Variants in SF3B3 observed in about 807,000 individuals in gnomAD.
The protein encoded by SF3B3 is SAP 130.
Under a neutral mutation model 139.2 loss-of-function variants are expected in SF3B3, and 33 were observed. That is an observed-to-expected ratio of 0.24 (90% confidence interval 0.18 to 0.32). The LOEUF (loss-of-function observed/expected upper bound fraction) is 0.32, where lower values mean the gene tolerates loss of function less well. Ranked by LOEUF, SF3B3 falls within the 10% of genes least tolerant of loss-of-function variation. SF3B3 has a pLI of 1.00. For synonymous variants in SF3B3, 596 were observed against 563.6 expected (o/e 1.06, Z -0.81); for missense variants, 818 against 1,509.4 (o/e 0.54, Z 7.59).
chr16:70,565,636 C>G, intron 20 of SF3B3, 112 bp downstream of exon 20: 1 of 948,404 alleles, frequency 1.1e-6, no homozygotes, highest in Non-Finnish European at 1.6e-6. Flanking sequence ...TCCAATCTCT[C>G]TCTTACCAGC....
At chr16:70,569,722 TG>T (rs2050510339) in intron 23 of SF3B3, among the ~76,000 whole-genome samples, 2 of 152,070 alleles carry the variant, frequency 1.3e-5, no homozygotes, top group South Asian at 4.1e-4. Context: ...TTCCACCTCC[TG>T]GGCTCAAGTG....
chr16:70,545,958 C>A (rs1256181063), intron 10 of SF3B3, among the ~76,000 whole-genome samples: 2 of 152,084 alleles, frequency 1.3e-5, no homozygotes, highest in Admixed American at 1.3e-4. Flanking sequence ...CAATTTAGAG[C>A]CATAGGTCTG....
chr16:70,564,125 C>T lies in SF3B3; in HGVS notation c.2463+75C>T, dbSNP rs770147455. The T allele has an allele frequency of 6.3e-5, 93 of 1,469,558 alleles. No homozygotes were observed. The Middle Eastern group carries it at 1.2e-3, about 19-fold the overall frequency. 91.0% of individuals were successfully genotyped at this position (1,469,558 alleles called of 1,614,324 possible). A position where few individuals can be genotyped will look rare whatever the true frequency, so the allele number is the denominator to read the frequency against. ...GTTGAAAAGTTTAAACTGCCCGGCA[C>T]TTTGGGAGGCTGAGGTGGGAGGATT... On this transcript the variant is annotated intron_variant, in intron 18 of 25. Coordinates refer to ENST00000302516, the MANE Select transcript of SF3B3 (RefSeq NM_012426.5).
Position 70,570,877 on chromosome 16 carries a change from G to A in SF3B3, c.3409-218G>A, listed in dbSNP as rs538596706. Among the ~76,000 whole-genome samples, 4 of 152,346 alleles carry A rather than the reference G, an allele frequency of 2.6e-5. No homozygotes were observed. In the South Asian group the frequency reaches 8.3e-4, roughly 32 times the overall value. On this transcript the variant is annotated intron_variant, in intron 24 of 25. Transcript: ENST00000302516. ...TGACCTCACAAACCATTCTTTATGT[G>A]TGGCATTCTCTCTTGCACTGCAGAC...
At chr16:70,562,628 C>G (rs1430710978) in intron 17 of SF3B3, among the ~76,000 whole-genome samples, 2 of 152,132 alleles carry the variant, frequency 1.3e-5, no homozygotes, top group East Asian at 3.9e-4. Flanking sequence ...TTCCCCTTGT[C>G]TTTTAAGCCA....
At chr16:70,526,085 C>A (rs1163750563) in intron 1 of SF3B3, among the ~76,000 whole-genome samples, 1 of 151,952 alleles carries the variant, frequency 6.6e-6, no homozygotes, top group African/African-American at 2.4e-5. Flanking sequence ...TTTGCTCAGC[C>A]CAGAAAGTTA....
Position 70,553,862 on chromosome 16 carries a change from A to G in SF3B3, c.1403-584A>G, listed in dbSNP as rs531144480. ...AAAACCAGAGAGGTCACAGAATAAC[A>G]ATATAAACAACCCCCACCCTCCATT... On this transcript the variant is annotated intron_variant, in intron 11 of 25. Transcript: ENST00000302516. Among the ~76,000 whole-genome samples the G allele has an allele frequency of 9.8e-5, 15 of 152,330 alleles. No individual in the cohort carries two copies. The South Asian group carries it at 3.1e-3, about 32-fold the overall frequency.
intron 22 of SF3B3, 63 bp downstream of exon 22, chr16:70,568,558 G>A: frequency 7.5e-7 from 1 of 1,335,060 alleles, no homozygotes; most frequent in Non-Finnish European, 1.1e-6. Flanking sequence ...AGTTTCTTGT[G>A]GGTAAAGCCA....
At chr16:70,562,859 T>C (rs1408806623) in intron 17 of SF3B3, among the ~76,000 whole-genome samples, 1 of 152,282 alleles carries the variant, frequency 6.6e-6, no homozygotes, top group East Asian at 1.9e-4. Context: ...GACAAGGTCT[T>C]ACTCTGTTGT....
intron 11 of SF3B3, among the ~76,000 whole-genome samples, chr16:70,551,070 T>C (rs989801912): frequency 4.6e-5 from 7 of 152,206 alleles, no homozygotes; most frequent in African/African-American, 1.7e-4. Context: ...GATACCCTTG[T>C]CTATGAAGTG....
chr16:70,560,598 A>G lies in SF3B3; in HGVS notation c.2133+7A>G. ...AATGCAAGGCCAGGAGGCAGTAAGTAATGAAGGTTGGGGACAGGCAACATC... is the reference window on the plus strand; with the variant it reads ...AATGCAAGGCCAGGAGGCAGTAAGTGATGAAGGTTGGGGACAGGCAACATC... On this transcript the variant is annotated splice_region_variant and intron_variant, in intron 16 of 25. Transcript: ENST00000302516. 1 of 1,612,912 alleles carries G rather than the reference A, an allele frequency of 6.2e-7. No individual in the cohort carries two copies. Among genetic ancestry groups the G allele is most frequent in the Non-Finnish European group, 8.5e-7 (1 of 1,179,170 alleles).
chr16:70,535,429 T>G lies in SF3B3; in HGVS notation c.825+9T>G. 6.8e-7 allele frequency: 1 copy of G among 1,473,204 alleles called. No individual in the cohort carries two copies. Among genetic ancestry groups the G allele is most frequent in the Non-Finnish European group, 9.5e-7 (1 of 1,055,474 alleles). The allele number at this position is 1,473,204 out of a possible 1,614,324, so 91.3% of individuals were successfully genotyped here. A position where few individuals can be genotyped will look rare whatever the true frequency, so the allele number is the denominator to read the frequency against. On this transcript the variant is annotated intron_variant, in intron 6 of 25. Coordinates refer to ENST00000302516, the MANE Select transcript of SF3B3 (RefSeq NM_012426.5). The stretch of plus-strand genomic sequence containing the variant: ...CAATTCCCAGGAGGCGGGTAAGATC[T>G]TTGATATAAGAAGAGAGAGATTTGT...
Position 70,572,211 on chromosome 16 carries a change from G to A in SF3B3, c.*398G>A, listed in dbSNP as rs570955867. 2.2e-6 allele frequency: 1 copy of A among 448,518 alleles called. No homozygotes were observed. The highest frequency in any genetic ancestry group is 4.5e-6 in the Non-Finnish European group (1 of 223,268). 27.8% of individuals were successfully genotyped at this position (448,518 alleles called of 1,614,324 possible). The stretch of plus-strand genomic sequence containing the variant: ...CTCTGTGGGAGGAAGGAGGCAGGCT[G>A]TGGTGGGACTGGGTAGGGTATAGTA... On this transcript the variant is annotated 3_prime_UTR_variant, in exon 26 of 26. Coordinates refer to ENST00000302516, the MANE Select transcript of SF3B3 (RefSeq NM_012426.5).
intron 10 of SF3B3, among the ~76,000 whole-genome samples, chr16:70,545,406 A>C (rs1008095586): frequency 2.6e-5 from 4 of 152,208 alleles, no homozygotes; most frequent in African/African-American, 9.6e-5. Context: ...TGTTTCACCA[A>C]AGTGGGTAGA....
At chr16:70,531,128 G>A (rs2050117260) in intron 4 of SF3B3, among the ~76,000 whole-genome samples, 1 of 152,002 alleles carries the variant, frequency 6.6e-6, no homozygotes. Context: ...AAATAGCCGG[G>A]CATCGTGGCG....
At chr16:70,542,978 C>T (rs1567414753) in intron 9 of SF3B3, among the ~76,000 whole-genome samples, 1 of 152,120 alleles carries the variant, frequency 6.6e-6, no homozygotes, top group South Asian at 2.1e-4. Context: ...CTGCCTTGGT[C>T]TCCCAAAGTG....
intron 5 of SF3B3, among the ~76,000 whole-genome samples, chr16:70,533,559 G>A (rs1192715432): frequency 6.6e-6 from 1 of 152,076 alleles, no homozygotes; most frequent in Non-Finnish European, 1.5e-5. Flanking sequence ...CGTTTTTGGA[G>A]GAGCTAAAAA....
At chr16:70,549,924 C>CA (rs2050306286) in intron 11 of SF3B3, among the ~76,000 whole-genome samples, 1 of 151,314 alleles carries the variant, frequency 6.6e-6, no homozygotes, top group Non-Finnish European at 1.5e-5. Context: ...GACTCCATGT[C>CA]AAAAAAAGAA....
chr16:70,548,208 C>A (rs966617336), intron 10 of SF3B3, among the ~76,000 whole-genome samples, 162 bp from the exon 11 acceptor site: 1 of 152,192 alleles, frequency 6.6e-6, no homozygotes, highest in Middle Eastern at 3.2e-3. Context: ...TAAGAACCAG[C>A]CTGTTTGGTT....
Sources: allele counts gnomAD v4.1 joint callset (sites outside exome capture counted in the v4.1 genomes callset), GRCh38; gene constraint gnomAD v4.1.1; transcripts MANE v1.5; gene names NCBI Gene and HGNC (gene_info 2026-07-23, HGNC 2026-07-21).